Variants in WWC1 observed in about 807,000 individuals in gnomAD.
WWC1 encodes the protein WW and C2 domain containing 1.
A neutral mutation model predicts 138.4 loss-of-function variants in WWC1; 55 were observed. The observed-to-expected ratio is 0.40, with a 90% confidence interval of 0.32 to 0.50. The LOEUF (loss-of-function observed/expected upper bound fraction) is 0.50. Among genes scored for constraint, WWC1 ranks in the 20% least tolerant of loss-of-function variants. WWC1 has a pLI of 0.72. For missense variants in WWC1, 1,226 were observed against 1,420.4 expected (o/e 0.86, Z 2.20); for synonymous variants, 524 against 564.9 (o/e 0.93, Z 1.03).
intron 1 of WWC1, among the ~76,000 whole-genome samples, chr5:168,322,496 CTCTA>C (rs1772199640): frequency 6.6e-6 from 1 of 152,188 alleles, no homozygotes; most frequent in Non-Finnish European, 1.5e-5. Flanking sequence ...GGTCATGGTT[CTCTA>C]TCCTTGCTCT....
intron 5 of WWC1, among the ~76,000 whole-genome samples, chr5:168,405,541 T>A (rs535858197): frequency 5.9e-5 from 9 of 152,142 alleles, no homozygotes; most frequent in African/African-American, 2.2e-4. Context: ...GAGTCACAGC[T>A]ATGTGTGATG....
chr5:168,338,075 C>T (rs1773648802), intron 1 of WWC1, among the ~76,000 whole-genome samples: 1 of 152,028 alleles, frequency 6.6e-6, no homozygotes, highest in African/African-American at 2.4e-5. Context: ...CTTTGGGAGG[C>T]CAAGGTGGGC....
intron 1 of WWC1, among the ~76,000 whole-genome samples, chr5:168,328,481 G>A (rs1772755575): frequency 6.6e-6 from 1 of 152,172 alleles, no homozygotes; most frequent in Admixed American, 6.5e-5. Flanking sequence ...TGCAACTGTA[G>A]TCATTCCCCT....
At chr5:168,414,675 G>A (rs1379675979) in intron 9 of WWC1, 85 bp downstream of exon 9, 20 of 1,448,308 alleles carry the variant, frequency 1.4e-5, no homozygotes, top group Non-Finnish European at 1.7e-5. Flanking sequence ...GAATGAGGGG[G>A]CTCCGGGCCC....
chr5:168,329,953 T>C (rs2152765833), intron 1 of WWC1, among the ~76,000 whole-genome samples: 1 of 151,860 alleles, frequency 6.6e-6, no homozygotes, highest in African/African-American at 2.4e-5. Context: ...CTACTGAAAA[T>C]ACAAAAATTA....
intron 12 of WWC1, 116 bp from the exon 13 acceptor site, chr5:168,428,591 C>A: frequency 1.0e-6 from 1 of 967,672 alleles, no homozygotes. Context: ...TAAAAAAGGA[C>A]CTGAAGGGAA....
chr5:168,403,063 T>TC lies in WWC1; in HGVS notation c.591-3135_591-3134insC, dbSNP rs1561712388. On this transcript the variant is annotated intron_variant, in intron 5 of 22. Coordinates refer to ENST00000265293, the MANE Select transcript of WWC1 (RefSeq NM_015238.3). ...CTTTCTTTCTTTCTTTCTTTCTTTC[T>TC]TTCTTTCTTTCTTTCTTTTCTTTCT... Among the ~76,000 whole-genome samples the TC allele has an allele frequency of 1.1e-4, 13 of 123,554 alleles. No individual in the cohort carries two copies. In the East Asian group the frequency reaches 2.4e-3, roughly 23 times the overall value. 81.1% of individuals were successfully genotyped at this position (123,554 alleles called of 152,430 possible). A position where few individuals can be genotyped will look rare whatever the true frequency, so the allele number is the denominator to read the frequency against.
Position 168,444,538 on chromosome 5 carries a change from G to C in WWC1, c.2478G>C (p.Glu826Asp). 6.2e-7 allele frequency: 1 copy of C among 1,607,298 alleles called. No homozygotes were observed. Among genetic ancestry groups the C allele is most frequent in the Non-Finnish European group, 8.5e-7 (1 of 1,176,842 alleles). The change falls in exon 17 of 23, where the codon GAG becomes GAC. Residue 826 changes from glutamate to aspartate, a missense_variant. Around this residue, in one of 3 missense-constraint regions of WWC1, gnomAD observed 1,016 missense variants for 1,153.9 expected, o/e 0.88. Transcript: ENST00000265293. ...ALLEQTAVEL[E>D]KRQEGRSSTQ... is the part of the protein sequence containing the mutation. ...TGGAACAGACAGCAGTGGAGCTGGA[G>C]AAGAGGCAGGAGGGCAGGAGCAGCA...
intron 1 of WWC1, among the ~76,000 whole-genome samples, chr5:168,301,457 GA>G (rs2152741097): frequency 6.6e-6 from 1 of 152,250 alleles, no homozygotes. Context: ...TCAACATGGT[GA>G]AACACCATCT....
chr5:168,464,369 G>A lies in WWC1; in HGVS notation c.2917-360G>A, dbSNP rs149296535. 2.0e-3 allele frequency among the ~76,000 whole-genome samples: 310 copies of A among 152,286 alleles called. 3 individuals carry two copies. The highest frequency in any genetic ancestry group is 7.2e-4 in the Non-Finnish European group (49 of 68,032). ...AGCTGGCACAGTGTACAGAGAGGGCGGGTGGGGACTGCAGCCAGCTTCCTG... is the reference window on the plus strand; with the variant it reads ...AGCTGGCACAGTGTACAGAGAGGGCAGGTGGGGACTGCAGCCAGCTTCCTG... On this transcript the variant is annotated intron_variant, in intron 20 of 22. Coordinates refer to ENST00000265293, the MANE Select transcript of WWC1 (RefSeq NM_015238.3).
At chr5:168,409,221 G>A (rs544250453) in intron 7 of WWC1, among the ~76,000 whole-genome samples, 1 of 152,320 alleles carries the variant, frequency 6.6e-6, no homozygotes, top group South Asian at 2.1e-4. Flanking sequence ...TGTTTTACTA[G>A]AGCCAGCAAC....
At position 168,385,398 on chromosome 5, in the gene WWC1, G is replaced by A. The variant is rs766690072; in HGVS notation, c.417G>A (p.Leu139=). Residue 139 remains leucine, a synonymous_variant, in exon 3 of 23, where the codon CTG becomes CTA. Transcript: ENST00000265293. ...TGCATGCCGTCTGGGAGCATAAGCT[G>A]GGCTCCCAGGTCAGCTGTGAGTACC... ...QQLHAVWEHK[L]GSQVSLVSGS... is the part of the protein sequence containing the mutation. 1 of 1,613,652 alleles carries A rather than the reference G, an allele frequency of 6.2e-7. No individual in the cohort carries two copies. Among genetic ancestry groups the A allele is most frequent in the South Asian group, 1.1e-5 (1 of 91,040 alleles).
At chr5:168,467,335 C>T (rs1359594017) in intron 21 of WWC1, among the ~76,000 whole-genome samples, 2 of 152,266 alleles carry the variant, frequency 1.3e-5, no homozygotes, top group Admixed American at 6.5e-5. Flanking sequence ...GTATATGGTA[C>T]GTGGATATTT....
At chr5:168,334,667 C>G (rs1249037355) in intron 1 of WWC1, among the ~76,000 whole-genome samples, 1 of 152,254 alleles carries the variant, frequency 6.6e-6, no homozygotes, top group East Asian at 1.9e-4. Context: ...ACAGGGGACT[C>G]TGGCTGTTTA....
At chr5:168,298,521 C>T (rs543895082) in intron 1 of WWC1, among the ~76,000 whole-genome samples, 3 of 152,036 alleles carry the variant, frequency 2.0e-5, no homozygotes, top group Admixed American at 6.6e-5. Flanking sequence ...TTAAGATCTA[C>T]GTATTCCATG....
intron 19 of WWC1, among the ~76,000 whole-genome samples, chr5:168,458,584 T>C (rs1291008015): frequency 6.6e-6 from 1 of 152,160 alleles, no homozygotes; most frequent in Non-Finnish European, 1.5e-5. Flanking sequence ...CCCCATGTAT[T>C]CATCTGAAGT....
chr5:168,427,893 C>G (rs900628695), intron 11 of WWC1, 140 bp from the exon 12 acceptor site: 17 of 609,166 alleles, frequency 2.8e-5, no homozygotes, highest in Non-Finnish European at 4.7e-5. Context: ...CCGAAGTGGT[C>G]GAGGCTGCAG....
At chr5:168,393,936 GA>G (rs199633992) in intron 3 of WWC1, among the ~76,000 whole-genome samples, 1 of 152,138 alleles carries the variant, frequency 6.6e-6, no homozygotes, top group Non-Finnish European at 1.5e-5. Context: ...AACTCAAGGG[GA>G]AAAAAAGTGC....
intron 1 of WWC1, among the ~76,000 whole-genome samples, chr5:168,339,841 C>CTTTCTTCT (rs1773842638): frequency 6.9e-6 from 1 of 144,624 alleles, no homozygotes; most frequent in African/African-American, 2.7e-5. Flanking sequence ...TTTTTCTTTT[C>CTTTCTTCT]TTTCTTTCTT....
Sources: gnomAD v4.1 joint callset for allele counts (sites outside exome capture counted in the v4.1 genomes callset) on GRCh38, gnomAD v4.1.1 for gene constraint, gnomAD v4.1.1 regional missense constraint, MANE v1.5 for transcripts, NCBI Gene and HGNC (gene_info 2026-07-23, HGNC 2026-07-21) for gene names.